Variants in LAMA2 observed in about 807,000 individuals in gnomAD.
The protein encoded by LAMA2 is laminin subunit alpha-2.
A neutral mutation model predicts 364.8 loss-of-function variants in LAMA2; 269 were observed. That is an observed-to-expected ratio of 0.74 (90% CI 0.67 to 0.82). LAMA2 has a LOEUF of 0.82. LAMA2 is among the 40% of genes least tolerant of loss of function. The pLI, the probability that LAMA2 is intolerant of heterozygous loss-of-function variation, is 0.00. For synonymous variants in LAMA2, 1,379 were observed against 1,370.6 expected (o/e 1.01, Z -0.14); for missense variants, 3,807 against 3,873.2 (o/e 0.98, Z 0.45).
chr6:129,394,148 T>C (rs774661135), intron 37 of LAMA2, among the ~76,000 whole-genome samples: 9 of 152,226 alleles, frequency 5.9e-5, no homozygotes, highest in Non-Finnish European at 1.3e-4. Context: ...CTGTATGTGA[T>C]ATTAATATTT....
At chr6:128,891,309 T>G (rs1462966674) in intron 1 of LAMA2, among the ~76,000 whole-genome samples, 1 of 152,118 alleles carries the variant, frequency 6.6e-6, no homozygotes, top group African/African-American at 2.4e-5. Context: ...TCGAGTTGCT[T>G]GTAACTTAGA....
At chr6:129,468,351 T>C (rs1294965428) in intron 51 of LAMA2, among the ~76,000 whole-genome samples, 2 of 151,830 alleles carry the variant, frequency 1.3e-5, no homozygotes, top group Admixed American at 1.3e-4. Context: ...ATTTCTCAAG[T>C]TAAACAGGTG....
In LAMA2 at chr6:129,470,262, A is replaced by G. The variant is rs534931376; in HGVS notation, c.7301-2952A>G. The stretch of plus-strand genomic sequence containing the variant: ...ACCAACAAAAAAAAGTAAGTTAAGT[A>G]ATACAGATTTGGGAGTTAGATGATA... On this transcript the variant is annotated intron_variant, in intron 51 of 64. Coordinates refer to ENST00000421865, the MANE Select transcript of LAMA2 (RefSeq NM_000426.4). Among the ~76,000 whole-genome samples, 5 of 151,972 alleles carry G rather than the reference A, an allele frequency of 3.3e-5. No homozygotes were observed. The South Asian group carries it at 8.3e-4, about 25-fold the overall frequency.
intron 12 of LAMA2, among the ~76,000 whole-genome samples, chr6:129,242,889 A>G (rs913048307): frequency 6.6e-6 from 1 of 152,138 alleles, no homozygotes; most frequent in Non-Finnish European, 1.5e-5. Context: ...ACTTAAAGGA[A>G]ACATTAAATA....
intron 60 of LAMA2, 108 bp from the exon 61 acceptor site, chr6:129,505,092 C>G: frequency 1.0e-6 from 1 of 960,288 alleles, no homozygotes; most frequent in East Asian, 2.4e-5. Flanking sequence ...GCACTGTGTA[C>G]ATTGTTTCAA....
At chr6:128,904,805 G>A (rs1466582571) in intron 1 of LAMA2, among the ~76,000 whole-genome samples, 2 of 152,076 alleles carry the variant, frequency 1.3e-5, no homozygotes, top group Non-Finnish European at 2.9e-5. Flanking sequence ...CTTAGGCATA[G>A]TAACATGAAA....
intron 4 of LAMA2, among the ~76,000 whole-genome samples, chr6:129,125,073 A>G (rs983819493): frequency 3.3e-5 from 5 of 152,228 alleles, no homozygotes; most frequent in Non-Finnish European, 5.9e-5. Context: ...TTCCTGACCA[A>G]TTGGCTCTGC....
chr6:129,468,395 T>G (rs896188300), intron 51 of LAMA2, among the ~76,000 whole-genome samples: 1 of 151,910 alleles, frequency 6.6e-6, no homozygotes, highest in African/African-American at 2.4e-5. Context: ...ATAGCTGTTC[T>G]GTTTTTCCAC....
At chr6:129,434,309 C>G (rs776560727) in intron 41 of LAMA2, among the ~76,000 whole-genome samples, 29 of 152,270 alleles carry the variant, frequency 1.9e-4, no homozygotes, top group Non-Finnish European at 3.5e-4. Context: ...TCTGCTGCTT[C>G]CATTCCCTCA....
chr6:129,086,368 T>C (rs1167699635), intron 3 of LAMA2, among the ~76,000 whole-genome samples: 1 of 152,210 alleles, frequency 6.6e-6, no homozygotes, highest in Non-Finnish European at 1.5e-5. Flanking sequence ...ATACAAGACA[T>C]TAACAGACAT....
chr6:129,102,282 G>A (rs776626795), intron 4 of LAMA2, among the ~76,000 whole-genome samples: 28 of 151,642 alleles, frequency 1.8e-4, no homozygotes, highest in Admixed American at 1.1e-3. Flanking sequence ...GATTACAGGC[G>A]CGTGCCACCA....
At chr6:129,045,609 T>G (rs1327840883) in intron 1 of LAMA2, among the ~76,000 whole-genome samples, 1 of 152,240 alleles carries the variant, frequency 6.6e-6, no homozygotes, top group East Asian at 1.9e-4. Context: ...ATAGAATAGC[T>G]TCAGAATCAA....
intron 29 of LAMA2, among the ~76,000 whole-genome samples, chr6:129,333,733 G>A (rs1038893433): frequency 6.6e-6 from 1 of 152,178 alleles, no homozygotes; most frequent in Non-Finnish European, 1.5e-5. Flanking sequence ...AGAATTAAAT[G>A]TATATGTCTT....
chr6:129,299,661 C>A (rs1337666905), intron 21 of LAMA2, among the ~76,000 whole-genome samples: 1 of 152,142 alleles, frequency 6.6e-6, no homozygotes, highest in Admixed American at 6.6e-5. Flanking sequence ...TAAAATAAAT[C>A]ATTTGGCTTA....
At chr6:128,944,116 G>C (rs554647170) in intron 1 of LAMA2, among the ~76,000 whole-genome samples, 4 of 142,502 alleles carry the variant, frequency 2.8e-5, no homozygotes, top group Non-Finnish European at 4.6e-5. Context: ...TACTGTGATA[G>C]GGGAAAAAGC....
intron 45 of LAMA2, among the ~76,000 whole-genome samples, chr6:129,446,668 G>A (rs1402194927): frequency 6.6e-6 from 1 of 151,736 alleles, no homozygotes; most frequent in Admixed American, 6.6e-5. Flanking sequence ...AGTTTTCCAT[G>A]TCAAAAATTC....
At chr6:129,230,638 G>A (rs1356300186) in intron 12 of LAMA2, among the ~76,000 whole-genome samples, 1 of 152,112 alleles carries the variant, frequency 6.6e-6, no homozygotes, top group Non-Finnish European at 1.5e-5. Flanking sequence ...AAAGAACATG[G>A]ACCAGACAGC....
In LAMA2 at chr6:128,924,439, G is replaced by A. The variant is rs981785955; in HGVS notation, c.112+41082G>A. 2.0e-5 allele frequency among the ~76,000 whole-genome samples: 3 copies of A among 152,188 alleles called. No individual in the cohort carries two copies. The South Asian group carries it at 6.2e-4, about 32-fold the overall frequency. ...AAGAGGAAGAGAAGGAAGAGGAGGA[G>A]AAATTTTCCAGGTAAGTTTATAGAG... On this transcript the variant is annotated intron_variant, in intron 1 of 64. Transcript: ENST00000421865.
intron 27 of LAMA2, among the ~76,000 whole-genome samples, chr6:129,318,186 T>TA (rs1266456893): frequency 6.6e-6 from 1 of 152,232 alleles, no homozygotes; most frequent in Non-Finnish European, 1.5e-5. Context: ...TATTCAATTA[T>TA]AAATTTAAAT....
Sources: allele counts gnomAD v4.1 joint callset (sites outside exome capture counted in the v4.1 genomes callset), GRCh38; gene constraint gnomAD v4.1.1; transcripts MANE v1.5; gene names NCBI Gene and HGNC (gene_info 2026-07-23, HGNC 2026-07-21).